Variants in LYPD6B observed in about 807,000 individuals in gnomAD.
The protein encoded by LYPD6B is ly6/PLAUR domain-containing protein 6B.
A neutral mutation model predicts 22.8 loss-of-function variants in LYPD6B; 17 were observed. The observed-to-expected ratio is 0.75, with a 90% CI of 0.51 to 1.12. LYPD6B has a LOEUF of 1.12. LYPD6B is among the 50% of genes most tolerant of loss of function. The pLI is 0.00. For missense variants in LYPD6B, 221 were observed against 258.3 expected, an observed-to-expected ratio of 0.86 and a Z score of 0.99; for synonymous variants, 106 against 91.6, an observed-to-expected ratio of 1.16 and a Z score of -0.90.
At chr2:149,211,616 T>A (rs1211617770) in intron 5 of LYPD6B, among the ~76,000 whole-genome samples, 1 of 152,022 alleles carries the variant, frequency 6.6e-6, no homozygotes, top group East Asian at 1.9e-4. Flanking sequence ...AAGACACTTA[T>A]TATCTATCAT....
At chr2:149,092,533 T>A (rs1468560976) in intron 1 of LYPD6B, among the ~76,000 whole-genome samples, 1 of 152,292 alleles carries the variant, frequency 6.6e-6, no homozygotes, top group East Asian at 1.9e-4. Context: ...CTTAAAAATA[T>A]AAGCATAATT....
At chr2:149,185,384 C>T (rs918092467) in intron 3 of LYPD6B, among the ~76,000 whole-genome samples, 2 of 152,174 alleles carry the variant, frequency 1.3e-5, no homozygotes, top group African/African-American at 2.4e-5. Flanking sequence ...GAACCTATCC[C>T]TGATTAGAGT....
chr2:149,041,046 G>T (rs2105242663), intron 1 of LYPD6B, among the ~76,000 whole-genome samples: 1 of 149,116 alleles, frequency 6.7e-6, no homozygotes, highest in African/African-American at 2.5e-5. Context: ...CTGTAGTTGA[G>T]CTTTGAATTG....
chr2:149,098,230 A>C (rs1209690899), intron 1 of LYPD6B, among the ~76,000 whole-genome samples: 1 of 152,068 alleles, frequency 6.6e-6, no homozygotes, highest in Admixed American at 6.6e-5. Flanking sequence ...AATTTTCTTA[A>C]GTTTCTCTAA....
chr2:149,165,994 G>T (rs545634846), intron 3 of LYPD6B, among the ~76,000 whole-genome samples: 146 of 152,282 alleles, frequency 9.6e-4, no homozygotes, highest in Admixed American at 3.9e-4. Flanking sequence ...GGAACACACA[G>T]TAATTCTCCT....
rs538881828 is a variant in LYPD6B, at chr2:149,205,381, A to G, written c.206A>G (p.Tyr69Cys). 3.1e-6 allele frequency: 5 copies of G among 1,613,980 alleles called. No homozygotes were observed. The South Asian group carries it at 3.3e-5, about 11-fold the overall frequency. The part of the protein sequence containing the change: ...SWAFAKNINF[Y>C]NVRPPLDPTP... The stretch of plus-strand genomic sequence containing the variant: ...GCATTTGCCAAGAACATCAACTTCT[A>G]TAATGTGAGGCCTCCTCTCGACCGT... The change falls in exon 4 of 7, where the codon TAT becomes TGT. Residue 69 changes from tyrosine to cysteine, a missense_variant. Physicochemically the swap from Tyr to Cys is radical, Grantham distance 194. Coordinates refer to ENST00000409642, the MANE Select transcript of LYPD6B (RefSeq NM_177964.5).
chr2:149,110,944 A>T (rs905174864), intron 1 of LYPD6B, among the ~76,000 whole-genome samples: 2 of 152,164 alleles, frequency 1.3e-5, no homozygotes, highest in Non-Finnish European at 2.9e-5. Context: ...CGAAAAGGTG[A>T]TATTGAAGCA....
At chr2:149,194,495 G>A (rs1261649891) in intron 3 of LYPD6B, among the ~76,000 whole-genome samples, 4 of 152,190 alleles carry the variant, frequency 2.6e-5, no homozygotes, top group Non-Finnish European at 4.4e-5. Flanking sequence ...AGATTCCAGT[G>A]CTAGCAGCAG....
chr2:149,076,776 AATCATC>A (rs1157664308), intron 1 of LYPD6B, among the ~76,000 whole-genome samples: 5 of 152,308 alleles, frequency 3.3e-5, no homozygotes, highest in Non-Finnish European at 5.9e-5. Context: ...AGAGGGAAAA[AATCATC>A]ACTAAAAAAG....
chr2:149,086,039 C>A (rs149530259), intron 1 of LYPD6B, among the ~76,000 whole-genome samples: 1 of 152,124 alleles, frequency 6.6e-6, no homozygotes, highest in Admixed American at 6.5e-5. Context: ...CATTGCCAGG[C>A]GGAAGGCTCA....
chr2:149,068,903 T>G (rs961840435), intron 1 of LYPD6B: 1 of 287,886 alleles, frequency 3.5e-6, no homozygotes, highest in African/African-American at 2.2e-5. Flanking sequence ...CTCAATTTGC[T>G]TCACCATTTT....
At chr2:149,042,776 A>G (rs1356701254) in intron 1 of LYPD6B, among the ~76,000 whole-genome samples, 1 of 152,228 alleles carries the variant, frequency 6.6e-6, no homozygotes, top group Non-Finnish European at 1.5e-5. Flanking sequence ...CAAACTGGAT[A>G]TAGTGCTGGA....
chr2:149,107,498 G>C (rs778346921), intron 1 of LYPD6B, among the ~76,000 whole-genome samples: 5 of 152,164 alleles, frequency 3.3e-5, no homozygotes, highest in Non-Finnish European at 7.3e-5. Flanking sequence ...CTACTGCATA[G>C]ATATTTAGTA....
rs368607342 is a variant in LYPD6B at position 149,213,032 on chromosome 2, C to T, written c.369C>T (p.His123=). Residue 123 remains histidine (H), a synonymous_variant, in exon 6 of 7, where the codon CAC becomes CAT. Transcript: ENST00000409642. ...TGACAGTTCATCACTTCACCAGCCA[C>T]GGAAGAAGCACATCCATCACCAAAA... ...YCLTVHHFTS[H]GRSTSITKKC... is the part of the protein sequence containing the mutation. The T allele has an allele frequency of 3.8e-5, 62 of 1,613,902 alleles. 1 individual carries two copies. The Admixed American group carries it at 8.3e-4, about 22-fold the overall frequency.
chr2:149,145,149 A>G (rs1688938801), intron 2 of LYPD6B, among the ~76,000 whole-genome samples: 1 of 152,210 alleles, frequency 6.6e-6, no homozygotes. Flanking sequence ...AATTAAAATC[A>G]GTACCACTGA....
At chr2:149,090,872 ATGT>A (rs1558991679) in intron 1 of LYPD6B, among the ~76,000 whole-genome samples, 2 of 152,200 alleles carry the variant, frequency 1.3e-5, no homozygotes, top group African/African-American at 4.8e-5. Flanking sequence ...GCATTTGGCA[ATGT>A]TGTTCGTTAA....
intron 1 of LYPD6B, among the ~76,000 whole-genome samples, chr2:149,064,853 A>T (rs956132496): frequency 6.6e-6 from 1 of 152,234 alleles, no homozygotes; most frequent in Non-Finnish European, 1.5e-5. Flanking sequence ...CCTCTCAGCC[A>T]GGTACCTTCT....
intron 1 of LYPD6B, among the ~76,000 whole-genome samples, chr2:149,104,734 A>C (rs1686386976): frequency 6.6e-6 from 1 of 152,164 alleles, no homozygotes; most frequent in South Asian, 2.1e-4. Flanking sequence ...AATTTATCAA[A>C]ATTTTTACTG....
intron 1 of LYPD6B, among the ~76,000 whole-genome samples, chr2:149,085,468 A>G (rs1685345184): frequency 6.6e-6 from 1 of 152,150 alleles, no homozygotes; most frequent in Non-Finnish European, 1.5e-5. Context: ...GCTTAATAGA[A>G]TTGTTTATTT....
Sources: allele counts gnomAD v4.1 joint callset (sites outside exome capture counted in the v4.1 genomes callset), GRCh38; gene constraint gnomAD v4.1.1; transcripts MANE v1.5; gene names NCBI Gene and HGNC (gene_info 2026-07-23, HGNC 2026-07-21).